The following PKHD1 variants were observed in gnomAD, a reference collection of about 807,000 sequenced individuals.
The protein encoded by PKHD1 is fibrocystin.
PKHD1 carries 291 observed loss-of-function variants against 412.0 expected under a neutral mutation model. That is an observed-to-expected ratio of 0.71 (90% CI 0.64 to 0.78). The LOEUF is 0.78. PKHD1 is among the 30% of genes least tolerant of loss of function. PKHD1 has a pLI of 0.00. For synonymous variants in PKHD1, 1,777 were observed against 1,821.5 expected, an observed-to-expected ratio of 0.98 and a Z score of 0.62; for missense variants, 4,825 against 4,950.7, an observed-to-expected ratio of 0.97 and a Z score of 0.76.
chr6:51,945,312 T>G (rs967731707), intron 36 of PKHD1, among the ~76,000 whole-genome samples: 4 of 152,232 alleles, frequency 2.6e-5, no homozygotes, highest in African/African-American at 7.2e-5. Flanking sequence ...TCAAGGTTCC[T>G]GTCCTGAGTC....
rs144490511 is a variant in PKHD1, at chr6:51,695,698, T to C, written c.10157-35729A>G. Reference sequence around the variant, plus strand: ...AAAATGATGACTGATGGCTGCCTTATATCCTTGGTTTAAAATAATAACAAC... The same window carrying C: ...AAAATGATGACTGATGGCTGCCTTACATCCTTGGTTTAAAATAATAACAAC... On this transcript the variant is annotated intron_variant, in intron 60 of 66. Transcript: ENST00000371117. Among the ~76,000 whole-genome samples the C allele has an allele frequency of 1.5e-4, 23 of 152,342 alleles. No homozygotes were observed. The East Asian group carries it at 4.4e-3, about 29-fold the overall frequency.
intron 60 of PKHD1, among the ~76,000 whole-genome samples, chr6:51,727,768 T>G (rs1443826729): frequency 6.6e-6 from 1 of 152,162 alleles, no homozygotes; most frequent in Non-Finnish European, 1.5e-5. Context: ...CTTCCTGGCG[T>G]CTCCATTCAA....
chr6:52,080,298 ACTTTGATAAT>A (rs1407486993), intron 4 of PKHD1, among the ~76,000 whole-genome samples: 2 of 152,202 alleles, frequency 1.3e-5, no homozygotes, highest in Non-Finnish European at 2.9e-5. Flanking sequence ...ATTAGAAGAG[ACTTTGATAAT>A]CTATTCCCCA....
In PKHD1 at chr6:51,746,764, T is replaced by A. The variant is rs765690438; in HGVS notation, c.9955A>T (p.Ile3319Leu). ...ITAERTRMLK[I>L]KDKNKFYFPS... ...AAGTAGAACTTGTTTTTATCTTTTATCTTTAGCATCCTGGTCCTCTCTGCT... is the reference window on the plus strand; with the variant it reads ...AAGTAGAACTTGTTTTTATCTTTTAACTTTAGCATCCTGGTCCTCTCTGCT... Residue 3319 changes from isoleucine to leucine, a missense_variant, in exon 59 of 67, where the codon ATA becomes TTA. Ile to Leu is a conservative substitution (Grantham distance 5, BLOSUM62 2). Coordinates refer to ENST00000371117, the MANE Select transcript of PKHD1 (RefSeq NM_138694.4). The A allele has an allele frequency of 6.2e-7, 1 of 1,611,154 alleles. No homozygotes were observed. Among genetic ancestry groups the A allele is most frequent in the Non-Finnish European group, 8.5e-7 (1 of 1,177,566 alleles).
At chr6:51,719,563 C>A (rs929982381) in intron 60 of PKHD1, among the ~76,000 whole-genome samples, 1 of 152,062 alleles carries the variant, frequency 6.6e-6, no homozygotes, top group African/African-American at 2.4e-5. Context: ...CAAAATTAAT[C>A]ATTGACAGCC....
chr6:51,628,892 G>T (rs1454424544), intron 65 of PKHD1, among the ~76,000 whole-genome samples: 1 of 152,156 alleles, frequency 6.6e-6, no homozygotes, highest in East Asian at 1.9e-4. Context: ...ACAGGTGAGA[G>T]AACTCAATAA....
At chr6:52,007,036 G>C (rs1424890727) in intron 35 of PKHD1, among the ~76,000 whole-genome samples, 1 of 152,150 alleles carries the variant, frequency 6.6e-6, no homozygotes, top group Non-Finnish European at 1.5e-5. Context: ...CCTTTTTATA[G>C]CTGAGTAGTA....
At chr6:51,980,185 C>G (rs967443370) in intron 35 of PKHD1, among the ~76,000 whole-genome samples, 1 of 152,116 alleles carries the variant, frequency 6.6e-6, no homozygotes, top group African/African-American at 2.4e-5. Context: ...GTCAGTGACA[C>G]CAAAATGCTT....
At chr6:51,764,908 C>T (rs1380181413) in intron 55 of PKHD1, among the ~76,000 whole-genome samples, 2 of 152,004 alleles carry the variant, frequency 1.3e-5, no homozygotes, top group African/African-American at 2.4e-5. Flanking sequence ...TAGAATGCCC[C>T]CAATCTCAAT....
intron 30 of PKHD1, 40 bp downstream of exon 30, chr6:52,028,116 C>A: frequency 6.3e-7 from 1 of 1,576,302 alleles, no homozygotes; most frequent in South Asian, 1.1e-5. Flanking sequence ...AATGCTAGAC[C>A]ATCAAACAAA....
chr6:52,045,224 A>C, intron 24 of PKHD1, 136 bp from the exon 25 acceptor site: 1 of 833,602 alleles, frequency 1.2e-6, no homozygotes, highest in Non-Finnish European at 2.0e-6. Context: ...GTAACAGAGA[A>C]TTGAAATATA....
Position 51,986,096 on chromosome 6 carries a change from T to C in PKHD1, c.5751+24213A>G, listed in dbSNP as rs532070722. Among the ~76,000 whole-genome samples, 27 of 152,310 alleles carry C rather than the reference T, an allele frequency of 1.8e-4. No homozygotes were observed. In the East Asian group the frequency reaches 2.5e-3, roughly 14 times the overall value. On this transcript the variant is annotated intron_variant, in intron 35 of 66. Coordinates refer to ENST00000371117, the MANE Select transcript of PKHD1 (RefSeq NM_138694.4). Reference sequence around the variant, plus strand: ...GGGATTAATAGGAATAATTTTGCTATGGGGATCTGTGTAGTTATAATGATT... The same window carrying C: ...GGGATTAATAGGAATAATTTTGCTACGGGGATCTGTGTAGTTATAATGATT...
Position 51,998,199 on chromosome 6 carries a change from A to C in PKHD1, c.5751+12110T>G, listed in dbSNP as rs557561041. ...TATGTTGAGGACGTATGTTCAGCCC[A>C]CACTCTGGGCTATTTAGTCAACACA... On this transcript the variant is annotated intron_variant, in intron 35 of 66. Transcript: ENST00000371117. Among the ~76,000 whole-genome samples the C allele has an allele frequency of 6.6e-5, 10 of 152,122 alleles. No individual in the cohort carries two copies. In the South Asian group the frequency reaches 2.1e-3, roughly 32 times the overall value.
chr6:52,082,259 A>G (rs1475884489), intron 4 of PKHD1, 133 bp downstream of exon 4: 1 of 891,598 alleles, frequency 1.1e-6, no homozygotes, highest in African/African-American at 1.6e-5. Flanking sequence ...GCATATTCAC[A>G]TGAAACTTTT....
chr6:52,049,829 C>G (rs984818127), intron 22 of PKHD1, among the ~76,000 whole-genome samples: 1 of 152,154 alleles, frequency 6.6e-6, no homozygotes, highest in Non-Finnish European at 1.5e-5. Context: ...CTGAACAGCA[C>G]AAAATGCCAC....
chr6:51,692,141 C>A (rs1778236658), intron 60 of PKHD1, among the ~76,000 whole-genome samples: 1 of 152,078 alleles, frequency 6.6e-6, no homozygotes, highest in South Asian at 2.1e-4. Flanking sequence ...CCCAATCTCT[C>A]AACCTTCATT....
intron 51 of PKHD1, 121 bp from the exon 52 acceptor site, chr6:51,831,110 TAA>T: frequency 1.4e-6 from 1 of 719,758 alleles, no homozygotes; most frequent in East Asian, 2.8e-5. Flanking sequence ...CAATATTTTA[TAA>T]GTTTCTGTAC....
chr6:51,973,189 T>C (rs1241332722), intron 35 of PKHD1, among the ~76,000 whole-genome samples: 1 of 152,230 alleles, frequency 6.6e-6, no homozygotes, highest in Non-Finnish European at 1.5e-5. Flanking sequence ...ATGTGTCTGA[T>C]TTATTGCTTT....
intron 53 of PKHD1, among the ~76,000 whole-genome samples, chr6:51,777,265 G>C (rs1373429787): frequency 2.0e-5 from 3 of 152,076 alleles, no homozygotes. Context: ...TACCTGGATA[G>C]CCAAAAGGCA....
Sources: allele counts gnomAD v4.1 joint callset (sites outside exome capture counted in the v4.1 genomes callset), GRCh38; gene constraint gnomAD v4.1.1; transcripts MANE v1.5; gene names NCBI Gene and HGNC (gene_info 2026-07-23, HGNC 2026-07-21).